The following ITPRID1 variants were observed in gnomAD, a reference collection of about 807,000 sequenced individuals.
The protein encoded by ITPRID1 is protein ITPRID1.
In ITPRID1, 96 loss-of-function variants were observed where a neutral mutation model predicts 95.4. That is an observed-to-expected ratio of 1.01 (90% CI 0.85 to 1.19). The LOEUF is 1.19. Among genes scored for constraint, ITPRID1 ranks in the 50% most tolerant of loss-of-function variants. The probability of loss-of-function intolerance (pLI) is 0.00; values close to 1 mark genes in which losing one functional copy is unlikely to be tolerated. For synonymous variants in ITPRID1, 510 were observed against 453.6 expected, an observed-to-expected ratio of 1.12 and a Z score of -1.58; for missense variants, 1,339 against 1,252.9, an observed-to-expected ratio of 1.07 and a Z score of -1.04.
At chr7:31,518,843 G>A (rs1783128906) in intron 1 of ITPRID1, among the ~76,000 whole-genome samples, 1 of 152,096 alleles carries the variant, frequency 6.6e-6, no homozygotes. Flanking sequence ...TACAGAAAAA[G>A]TCTTCTAAAC....
chr7:31,650,015 A>G (rs1166751563), intron 12 of ITPRID1, among the ~76,000 whole-genome samples: 2 of 152,166 alleles, frequency 1.3e-5, no homozygotes, highest in Non-Finnish European at 2.9e-5. Context: ...GAATTGGTCC[A>G]TGTCAATGCC....
At chr7:31,608,842 C>G (rs1028120286) in intron 10 of ITPRID1, among the ~76,000 whole-genome samples, 14 of 150,608 alleles carry the variant, frequency 9.3e-5, no homozygotes, top group African/African-American at 3.2e-4. Context: ...TTTCTTTTTT[C>G]TTTTTGCCTT....
At chr7:31,644,067 T>C in intron 12 of ITPRID1, 114 bp downstream of exon 12, 1 of 923,760 alleles carries the variant, frequency 1.1e-6, no homozygotes, top group Non-Finnish European at 1.6e-6. Flanking sequence ...ACTTTTCTAT[T>C]TTAAATCATG....
At chr7:31,651,091 T>C (rs1790901415) in intron 12 of ITPRID1, 51 bp from the exon 13 acceptor site, 3 of 1,586,194 alleles carry the variant, frequency 1.9e-6, no homozygotes, top group Non-Finnish European at 2.6e-6. Context: ...GGTGAGCTCT[T>C]GCAGAGGATC....
At chr7:31,588,628 T>A in intron 10 of ITPRID1, among the ~76,000 whole-genome samples, 1 of 360 alleles carries the variant, frequency 2.8e-3, no homozygotes, top group Non-Finnish European at 0.011. Context: ...TGATACTCTG[T>A]CTCAAAAAAA....
At chr7:31,529,266 T>C (rs1185314233) in intron 1 of ITPRID1, among the ~76,000 whole-genome samples, 3 of 152,236 alleles carry the variant, frequency 2.0e-5, no homozygotes, top group Non-Finnish European at 2.9e-5. Context: ...TTTCCAGTGA[T>C]GGTTTGCAAT....
intron 10 of ITPRID1, among the ~76,000 whole-genome samples, chr7:31,612,558 T>C (rs1786922181): frequency 6.6e-6 from 1 of 152,166 alleles, no homozygotes; most frequent in South Asian, 2.1e-4. Context: ...TTATAAAACC[T>C]ATATATTTTG....
At chr7:31,569,957 G>T in intron 6 of ITPRID1, 148 bp downstream of exon 6, 1 of 576,196 alleles carries the variant, frequency 1.7e-6, no homozygotes, top group Non-Finnish European at 3.0e-6. Flanking sequence ...TGCCTAGAAT[G>T]TTTACATCAG....
chr7:31,590,652 G>C (rs1251405116), intron 10 of ITPRID1, among the ~76,000 whole-genome samples: 1 of 152,104 alleles, frequency 6.6e-6, no homozygotes, highest in African/African-American at 2.4e-5. Context: ...GATTTCATTG[G>C]AGAACACTGT....
In ITPRID1 at chr7:31,578,240, C is replaced by A; in HGVS notation, c.976C>A (p.Pro326Thr). ...QSLQACDDLL[P>T]YPPHGLLSKQ... is the part of the protein sequence containing the mutation. The stretch of plus-strand genomic sequence containing the variant: ...TCTCCAAGCCTGTGATGATTTGCTA[C>A]CTTATCCTCCTCATGGTCTTCTGAG... Residue 326 changes from proline (P) to threonine (T), a missense_variant, in exon 9 of 15, where the codon CCT (proline) becomes ACT (threonine). By Grantham distance (38) the Pro-to-Thr change is conservative (BLOSUM62 -1). Coordinates refer to ENST00000615280, the MANE Select transcript of ITPRID1 (RefSeq NM_001257967.3). 6.2e-7 allele frequency: 1 copy of A among 1,613,782 alleles called. No individual in the cohort carries two copies. The highest frequency in any genetic ancestry group is 8.5e-7 in the Non-Finnish European group (1 of 1,179,772).
At position 31,643,748 on chromosome 7, in the gene ITPRID1, G is replaced by A. The variant is rs765411653; in HGVS notation, c.2378G>A (p.Cys793Tyr). 1.4e-5 allele frequency: 22 copies of A among 1,613,850 alleles called. No homozygotes were observed. The highest frequency in any genetic ancestry group is 6.7e-5 in the Admixed American group (4 of 60,000). Reference protein sequence around the residue: ...VSLDSGFSSICPMGTCHAIPA... With the variant: ...VSLDSGFSSIYPMGTCHAIPA... ...CTAGACTCAGGCTTCTCTAGTATCT[G>A]CCCAATGGGCACCTGCCATGCTATA... The change falls in exon 12 of 15, where the codon TGC becomes TAC. Residue 793 changes from cysteine to tyrosine, a missense_variant. Transcript: ENST00000615280.
intron 10 of ITPRID1, among the ~76,000 whole-genome samples, chr7:31,637,298 T>C (rs1348177234): frequency 3.2e-4 from 49 of 152,182 alleles, no homozygotes; most frequent in Admixed American, 2.3e-3. Context: ...TGTAGATCCC[T>C]GAGGAATCGC....
At chr7:31,632,697 C>G (rs1789121244) in intron 10 of ITPRID1, among the ~76,000 whole-genome samples, 1 of 152,104 alleles carries the variant, frequency 6.6e-6, no homozygotes, top group Non-Finnish European at 1.5e-5. Flanking sequence ...AAGAGCAGTC[C>G]TCCTCGTTTC....
chr7:31,556,322 G>A (rs1057335266), intron 5 of ITPRID1, among the ~76,000 whole-genome samples: 1 of 152,016 alleles, frequency 6.6e-6, no homozygotes, highest in Non-Finnish European at 1.5e-5. Context: ...CTTCTTACAC[G>A]TTTAACTGAG....
intron 9 of ITPRID1, among the ~76,000 whole-genome samples, chr7:31,582,560 T>C (rs1785442199): frequency 6.6e-6 from 1 of 152,184 alleles, no homozygotes; most frequent in African/African-American, 2.4e-5. Flanking sequence ...CCTGTTTTTT[T>C]ACCTTCTTCT....
chr7:31,543,112 T>C lies in ITPRID1; in HGVS notation c.-97-6314T>C, dbSNP rs1783984058. On this transcript the variant is annotated intron_variant, in intron 1 of 14. Transcript: ENST00000615280. ...GGTTATTGGCCTTTGGGTGAGGCCT[T>C]TTAAGAATGGGGCTAGGAAAACAAT... Among the ~76,000 whole-genome samples the C allele has an allele frequency of 2.6e-5, 4 of 152,090 alleles. No individual in the cohort carries two copies. The South Asian group carries it at 6.2e-4, about 24-fold the overall frequency.
Position 31,578,030 on chromosome 7 carries a change from C to A in ITPRID1, c.766C>A (p.Leu256Ile). 1 of 1,613,832 alleles carries A rather than the reference C, an allele frequency of 6.2e-7. No individual in the cohort carries two copies. Among genetic ancestry groups the A allele is most frequent in the Non-Finnish European group, 8.5e-7 (1 of 1,179,846 alleles). ...AKEHRRRMGK[L>I]LRRASKQNIR... is the part of the protein sequence containing the mutation. ...AGAGCATCGAAGAAGAATGGGTAAA[C>A]TCTTAAGGAGAGCTTCCAAACAGAA... Residue 256 changes from leucine to isoleucine, a missense_variant, in exon 9 of 15, where the codon CTC (leucine) becomes ATC (isoleucine). Leu to Ile is a conservative substitution (Grantham distance 5). Transcript: ENST00000615280.
chr7:31,600,969 G>T (rs1029994463), intron 10 of ITPRID1, among the ~76,000 whole-genome samples: 5 of 152,080 alleles, frequency 3.3e-5, no homozygotes, highest in Non-Finnish European at 7.4e-5. Flanking sequence ...GTGGGTTGGG[G>T]GAGAGCCGTC....
Position 31,599,647 on chromosome 7 carries a change from T to C in ITPRID1, c.1228+16456T>C, listed in dbSNP as rs865896571. ...TTTCTTTCTTTCTTTCTTTCTTTCT[T>C]TTTCTTTCTTTCCTTTCTCTCTCTC... On this transcript the variant is annotated intron_variant, in intron 10 of 14. Transcript: ENST00000615280. 6.5e-3 allele frequency among the ~76,000 whole-genome samples: 149 copies of C among 23,094 alleles called. 2 individuals carry two copies. Among genetic ancestry groups the C allele is most frequent in the African/African-American group, 0.014 (89 of 6,466 alleles). The allele number at this position is 23,094 out of a possible 152,430, so 15.2% of individuals were successfully genotyped here. A position where few individuals can be genotyped will look rare whatever the true frequency, so the allele number is the denominator to read the frequency against.
Sources: gnomAD v4.1 joint callset for allele counts (sites outside exome capture counted in the v4.1 genomes callset) on GRCh38, gnomAD v4.1.1 for gene constraint, MANE v1.5 for transcripts, NCBI Gene and HGNC (gene_info 2026-07-23, HGNC 2026-07-21) for gene names.